Variants in B4GALT6 observed in about 807,000 individuals in gnomAD.
B4GALT6 encodes the protein UDP-Gal:beta-GlcNAc beta-1,4-galactosyltransferase 6.
Under a neutral mutation model 46.3 loss-of-function variants are expected in B4GALT6, and 14 were observed. The ratio of observed to expected loss-of-function variants is 0.30; its 90% CI spans 0.20 to 0.47. The LOEUF is 0.47. Ranked by LOEUF, B4GALT6 falls within the 20% of genes least tolerant of loss-of-function variation. B4GALT6 has a pLI of 0.99. For synonymous variants in B4GALT6, 168 were observed against 162.0 expected (o/e 1.04, Z -0.28); for missense variants, 386 against 480.1 (o/e 0.80, Z 1.83).
intron 3 of B4GALT6, among the ~76,000 whole-genome samples, chr18:31,650,846 A>G (rs561784476): frequency 9.9e-5 from 15 of 151,862 alleles, no homozygotes; most frequent in South Asian, 4.2e-4. Flanking sequence ...TCGGCTCACT[A>G]CAAGCTCCGC....
At chr18:31,716,656 G>A in the B4GALT6 span, among the ~76,000 whole-genome samples, 1 of 152,142 alleles carries the variant, frequency 6.6e-6, no homozygotes, top group African/African-American at 2.4e-5. Context: ...GAATGCCTGG[G>A]GGTGGTGGCA....
chr18:31,675,007 T>C (rs9960668), intron 1 of B4GALT6, among the ~76,000 whole-genome samples: 4,326 of 152,304 alleles, frequency 0.028, 217 homozygotes, highest in African/African-American at 0.098. Context: ...TGACAGAGTC[T>C]GCAAGAATTC....
In B4GALT6 at chr18:31,625,000, G is replaced by C. The variant is rs1195546138; in HGVS notation, c.*614C>G. ...AAGTCCTTCCTTCTTTTCCTTTAAA[G>C]CCTAAGAAAGCTGTGACTTCTTCCA... On this transcript the variant is annotated 3_prime_UTR_variant, in exon 9 of 9. Coordinates refer to ENST00000306851, the MANE Select transcript of B4GALT6 (RefSeq NM_004775.5). The C allele has an allele frequency of 6.6e-6, 1 of 152,600 alleles. No homozygotes were observed. Among genetic ancestry groups the C allele is most frequent in the African/African-American group, 2.4e-5 (1 of 41,452 alleles). 9.5% of individuals were successfully genotyped at this position (152,600 alleles called of 1,614,324 possible).
intron 5 of B4GALT6, among the ~76,000 whole-genome samples, chr18:31,635,564 GAAACAAAACAAA>G (rs1486613514): frequency 2.6e-5 from 4 of 151,986 alleles, no homozygotes; most frequent in African/African-American, 9.7e-5. Flanking sequence ...CTGAGAGTGA[GAAACAAAACAAA>G]AAACAAAACA....
the B4GALT6 span, among the ~76,000 whole-genome samples, chr18:31,723,287 G>T: frequency 1.3e-5 from 2 of 152,112 alleles, no homozygotes; most frequent in African/African-American, 4.8e-5. Flanking sequence ...TAAAAGGTAG[G>T]TGTCAGTACC....
the B4GALT6 span, among the ~76,000 whole-genome samples, chr18:31,693,218 G>C: frequency 6.6e-6 from 1 of 152,158 alleles, no homozygotes; most frequent in African/African-American, 2.4e-5. Context: ...CTGAGGCAGA[G>C]AACACGAGAA....
At chr18:31,656,424 A>C (rs371944617) in intron 3 of B4GALT6, among the ~76,000 whole-genome samples, 12 of 152,132 alleles carry the variant, frequency 7.9e-5, no homozygotes, top group South Asian at 4.1e-4. Context: ...TACACACACA[A>C]AAAAAAGCTA....
At chr18:31,684,899 A>G (rs72639474), upstream of B4GALT6, among the ~76,000 whole-genome samples, 130,087 of 149,742 alleles carry the variant, frequency 0.87, 56,592 homozygotes, top group Non-Finnish European at 0.9. Context: ...CCCGTGCTTA[A>G]GGTCCGGGCC....
the B4GALT6 span, among the ~76,000 whole-genome samples, chr18:31,714,274 C>G: frequency 6.6e-6 from 1 of 152,214 alleles, no homozygotes; most frequent in Admixed American, 6.5e-5. Context: ...TTCTATCAGA[C>G]AGCACTGAAC....
At chr18:31,628,721 G>A (rs1759174933) in intron 6 of B4GALT6, among the ~76,000 whole-genome samples, 2 of 152,140 alleles carry the variant, frequency 1.3e-5, no homozygotes, top group Admixed American at 6.6e-5. Context: ...TCTATGCACT[G>A]CCCAGACCAG....
chr18:31,675,917 T>C (rs1339107449), intron 1 of B4GALT6, among the ~76,000 whole-genome samples: 3 of 152,202 alleles, frequency 2.0e-5, no homozygotes, highest in African/African-American at 7.2e-5. Flanking sequence ...TACTTGTGTT[T>C]TCACAATTAA....
At chr18:31,705,613 G>A in the B4GALT6 span, among the ~76,000 whole-genome samples, 5 of 152,082 alleles carry the variant, frequency 3.3e-5, no homozygotes, top group Non-Finnish European at 7.4e-5. Flanking sequence ...GTTCTCGAAC[G>A]CTGACCTCAG....
chr18:31,655,441 G>C (rs1216372061), intron 3 of B4GALT6, among the ~76,000 whole-genome samples: 2 of 152,146 alleles, frequency 1.3e-5, no homozygotes, highest in Non-Finnish European at 2.9e-5. Flanking sequence ...GAAGCAGAGA[G>C]AAGGGGCAGT....
chr18:31,678,625 C>T (rs536130708), intron 1 of B4GALT6, among the ~76,000 whole-genome samples: 1 of 152,310 alleles, frequency 6.6e-6, no homozygotes, highest in East Asian at 1.9e-4. Context: ...CCTGTCCTTC[C>T]TTCTCTCATT....
upstream of B4GALT6, among the ~76,000 whole-genome samples, chr18:31,687,705 T>C (rs1338385977): frequency 6.6e-6 from 1 of 152,240 alleles, no homozygotes; most frequent in Admixed American, 6.5e-5. Flanking sequence ...TACCACCAAG[T>C]ATTCCTTTTA....
rs2073655348 is a variant in B4GALT6 at position 31,624,150 on chromosome 18, T to A, written c.*1464A>T. 1 of 152,028 alleles carries A rather than the reference T, an allele frequency of 6.6e-6. No homozygotes were observed. Among genetic ancestry groups the A allele is most frequent in the Non-Finnish European group, 1.5e-5 (1 of 67,880 alleles). The allele number at this position is 152,028 out of a possible 1,614,324, so 9.4% of individuals were successfully genotyped here. A position where few individuals can be genotyped will look rare whatever the true frequency, so the allele number is the denominator to read the frequency against. On this transcript the variant is annotated 3_prime_UTR_variant, in exon 9 of 9. Transcript: ENST00000306851. ...AAGACCTTTTTTCAGAGAACAGTCA[T>A]ATGAAGATAACTGGACAAAGCCCTG...
chr18:31,720,557 C>A, the B4GALT6 span, among the ~76,000 whole-genome samples: 1 of 152,324 alleles, frequency 6.6e-6, no homozygotes, highest in East Asian at 1.9e-4. Flanking sequence ...GGACTGACGC[C>A]CACCCATGTG....
intron 3 of B4GALT6, among the ~76,000 whole-genome samples, chr18:31,651,570 A>G (rs113991875): frequency 1.5e-4 from 23 of 152,190 alleles, no homozygotes; most frequent in African/African-American, 5.5e-4. Flanking sequence ...CTTTACTAGG[A>G]AAACAGACAC....
intron 1 of B4GALT6, among the ~76,000 whole-genome samples, chr18:31,683,224 A>C (rs1045158957): frequency 5.3e-5 from 8 of 152,176 alleles, no homozygotes; most frequent in African/African-American, 1.7e-4. Context: ...TCACTGCAAT[A>C]ATCTACTACA....
Sources: allele counts gnomAD v4.1 joint callset (sites outside exome capture counted in the v4.1 genomes callset), GRCh38; gene constraint gnomAD v4.1.1; transcripts MANE v1.5; gene names NCBI Gene and HGNC (gene_info 2026-07-23, HGNC 2026-07-21).